The following ITPK1 variants were observed in gnomAD, a reference collection of about 807,000 sequenced individuals.
ITPK1 encodes the protein inositol-tetrakisphosphate 1-kinase.
ITPK1 carries 21 observed loss-of-function variants against 45.3 expected under a neutral mutation model. That is an observed-to-expected ratio of 0.46 (90% CI 0.33 to 0.67). The LOEUF is 0.67. ITPK1 is among the 30% of genes least tolerant of loss of function. The pLI, the probability that ITPK1 is intolerant of heterozygous loss-of-function variation, is 0.02. For synonymous variants in ITPK1, 258 were observed against 253.6 expected (o/e 1.02, Z -0.16); for missense variants, 474 against 573.5 (o/e 0.83, Z 1.77).
intron 5 of ITPK1, among the ~76,000 whole-genome samples, chr14:92,990,446 C>A (rs1221101043): frequency 1.3e-5 from 2 of 152,164 alleles, no homozygotes; most frequent in Non-Finnish European, 2.9e-5. Flanking sequence ...GCTTTTACAT[C>A]AGAGAGAAAG....
chr14:92,996,644 G>C (rs2139815024), intron 4 of ITPK1, among the ~76,000 whole-genome samples: 1 of 152,162 alleles, frequency 6.6e-6, no homozygotes, highest in South Asian at 2.1e-4. Flanking sequence ...GCATTATGTG[G>C]GGTGCAGCAG....
At chr14:93,021,296 C>T (rs1375133562) in intron 3 of ITPK1, among the ~76,000 whole-genome samples, 1 of 151,994 alleles carries the variant, frequency 6.6e-6, no homozygotes, top group East Asian at 1.9e-4. Flanking sequence ...GGACAGACTT[C>T]CAGAAGGATG....
At position 93,014,513 on chromosome 14, in the gene ITPK1, C is replaced by T. The variant is rs1236198966; in HGVS notation, c.246+2163G>A. Among the ~76,000 whole-genome samples the T allele has an allele frequency of 1.3e-5, 2 of 152,178 alleles. No homozygotes were observed. Among genetic ancestry groups the T allele is most frequent in the African/African-American group, 2.4e-5 (1 of 41,438 alleles). ...GCACTCAGCTACAATGGGCACTTTA[C>T]ACCCACAGGCATTTACTCCTCCCAG... On this transcript the variant is annotated intron_variant, in intron 4 of 10. Coordinates refer to ENST00000267615, the MANE Select transcript of ITPK1 (RefSeq NM_014216.6). The surrounding 1 kb of genome is among the most constrained non-coding windows in gnomAD (Gnocchi z 4.4).
At chr14:93,010,771 C>T (rs750340842) in intron 4 of ITPK1, among the ~76,000 whole-genome samples, 3 of 152,214 alleles carry the variant, frequency 2.0e-5, no homozygotes, top group African/African-American at 4.8e-5. Context: ...CACTAGGCGC[C>T]GGGCCTGTAC....
Position 92,973,747 on chromosome 14 carries a change from G to A in ITPK1, c.365-10898C>T, listed in dbSNP as rs75614844. On this transcript the variant is annotated intron_variant, in intron 5 of 10. Transcript: ENST00000267615. ...TCACAGGCACGTGGGTGGGAGGGCCGCACAGGCCTGAGCCAGGAGGGGGAT... is the reference window on the plus strand; with the variant it reads ...TCACAGGCACGTGGGTGGGAGGGCCACACAGGCCTGAGCCAGGAGGGGGAT... Among the ~76,000 whole-genome samples the A allele has an allele frequency of 8.9e-3, 1,361 of 152,332 alleles. 17 individuals are homozygous for A. Among genetic ancestry groups the A allele is most frequent in the African/African-American group, 0.031 (1,275 of 41,568 alleles).
At chr14:93,064,305 C>T (rs986160472) in intron 3 of ITPK1, among the ~76,000 whole-genome samples, 1 of 151,996 alleles carries the variant, frequency 6.6e-6, no homozygotes, top group African/African-American at 2.4e-5. Context: ...TTAAAATTTT[C>T]GTAGAGATGG....
At chr14:93,091,289 T>A (rs751356637) in intron 2 of ITPK1, among the ~76,000 whole-genome samples, 4 of 152,212 alleles carry the variant, frequency 2.6e-5, no homozygotes, top group African/African-American at 4.8e-5. Context: ...CTCAGGCCCC[T>A]GCAGGCAAAA....
chr14:93,086,120 G>C (rs1891642041), intron 2 of ITPK1, among the ~76,000 whole-genome samples: 1 of 152,210 alleles, frequency 6.6e-6, no homozygotes, highest in Non-Finnish European at 1.5e-5. Context: ...ACTGCAGGAA[G>C]GGAGGCAGAA....
At chr14:93,070,794 G>A (rs926202523) in intron 3 of ITPK1, 1 of 153,498 alleles carries the variant, frequency 6.5e-6, no homozygotes, top group Non-Finnish European at 1.5e-5. Flanking sequence ...CCAGCACCTG[G>A]GGCCTATCCA....
chr14:93,109,555 A>C (rs1181333074), intron 2 of ITPK1, among the ~76,000 whole-genome samples: 1 of 152,256 alleles, frequency 6.6e-6, no homozygotes, highest in African/African-American at 2.4e-5. Context: ...CAGGAAATCC[A>C]GAACAAACTC....
intron 4 of ITPK1, among the ~76,000 whole-genome samples, chr14:92,999,132 G>A (rs1216716196): frequency 6.6e-6 from 1 of 152,250 alleles, no homozygotes; most frequent in East Asian, 1.9e-4. Context: ...ATCTGCCCTA[G>A]GCCTGTGCTC....
chr14:93,068,755 ATG>A (rs1018667874), intron 3 of ITPK1: 25 of 152,304 alleles, frequency 1.6e-4, no homozygotes, highest in African/African-American at 5.8e-4. Flanking sequence ...TGTTGGTACC[ATG>A]TAAAAATATA....
At chr14:93,112,722 G>A (rs1401193304) in intron 2 of ITPK1, among the ~76,000 whole-genome samples, 1 of 151,964 alleles carries the variant, frequency 6.6e-6, no homozygotes, top group Non-Finnish European at 1.5e-5. Flanking sequence ...ACAGACAGAA[G>A]ACACGGCACC....
At chr14:92,982,050 G>A (rs1886261217) in intron 5 of ITPK1, among the ~76,000 whole-genome samples, 1 of 152,244 alleles carries the variant, frequency 6.6e-6, no homozygotes, top group Non-Finnish European at 1.5e-5. Context: ...CCCAGGAGAG[G>A]GAATGGGCAG....
intron 2 of ITPK1, among the ~76,000 whole-genome samples, chr14:93,077,924 G>A (rs1891294426): frequency 6.6e-6 from 1 of 152,194 alleles, no homozygotes; most frequent in South Asian, 2.1e-4. Flanking sequence ...GGGAAGAAAG[G>A]CCTCCAGCAG....
At chr14:93,083,582 G>C (rs1320765095) in intron 2 of ITPK1, among the ~76,000 whole-genome samples, 1 of 152,204 alleles carries the variant, frequency 6.6e-6, no homozygotes, top group East Asian at 1.9e-4. Flanking sequence ...AGACCCTTTG[G>C]CACCTCCAGG....
intron 3 of ITPK1, among the ~76,000 whole-genome samples, chr14:93,044,936 A>ACCAGGACTCCTGGCCAGGGCAGGCC: frequency 6.6e-6 from 1 of 152,312 alleles, no homozygotes; most frequent in Non-Finnish European, 1.5e-5. Context: ...AGGGTTTAGC[A>ACCAGGACTCCTGGCCAGGGCAGGCC]CCAGGACTCC....
chr14:92,961,463 T>G (rs1450482482), intron 7 of ITPK1, among the ~76,000 whole-genome samples: 2 of 152,000 alleles, frequency 1.3e-5, no homozygotes, highest in Non-Finnish European at 2.9e-5. Context: ...AATGGGCGGG[T>G]GGGTGACTCA....
intron 3 of ITPK1, among the ~76,000 whole-genome samples, chr14:93,065,917 C>G (rs550450086): frequency 6.6e-6 from 1 of 152,264 alleles, no homozygotes; most frequent in East Asian, 1.9e-4. Flanking sequence ...AACTGTTCCC[C>G]CAAATGCAAG....
Sources: gnomAD v4.1 joint callset for allele counts (sites outside exome capture counted in the v4.1 genomes callset) on GRCh38, gnomAD v4.1.1 for gene constraint, Gnocchi (gnomAD v3.1) non-coding constraint, MANE v1.5 for transcripts, NCBI Gene and HGNC (gene_info 2026-07-23, HGNC 2026-07-21) for gene names.